HPN: variants seen among roughly 807,000 people sequenced by gnomAD.
HPN encodes serine protease hepsin.
A neutral mutation model predicts 55.9 loss-of-function variants in HPN; 13 were observed. The ratio of observed to expected loss-of-function variants is 0.23; its 90% confidence interval spans 0.15 to 0.37. HPN has a LOEUF of 0.37. Ranked by LOEUF, HPN falls within the 10% of genes least tolerant of loss-of-function variation. HPN has a pLI of 1.00. For synonymous variants in HPN, 225 were observed against 240.3 expected, an observed-to-expected ratio of 0.94 and a Z score of 0.59; for missense variants, 451 against 575.8, an observed-to-expected ratio of 0.78 and a Z score of 2.22.
intron 1 of HPN, 183 bp from the exon 2 acceptor site, chr19:35,042,270 C>G (rs1468205858): frequency 1.5e-6 from 2 of 1,360,132 alleles, no homozygotes; most frequent in South Asian, 3.5e-5. Context: ...GGCGTCCCCC[C>G]GCTGCTGGTC....
chr19:35,048,657 G>T (rs1188884604), intron 2 of HPN, among the ~76,000 whole-genome samples: 3 of 152,142 alleles, frequency 2.0e-5, no homozygotes, highest in Admixed American at 2.0e-4. Context: ...ATTTTGGGAG[G>T]CTGAGGAAGG....
chr19:35,065,849 C>T lies in HPN; in HGVS notation c.1051-19C>T. The T allele has an allele frequency of 6.2e-7, 1 of 1,613,278 alleles. No individual in the cohort carries two copies. On this transcript the variant is annotated intron_variant, in intron 11 of 12. Transcript: ENST00000672452. The stretch of plus-strand genomic sequence containing the variant: ...CCAACCACTTTGGCCTTCAGCCAGA[C>T]CTCCCTCTCCCCTCCCAGGGCGACA...
rs532765961 is a variant in HPN at position 35,058,382 on chromosome 19, C to G, written c.161-1291C>G. Among the ~76,000 whole-genome samples, 366 of 149,110 alleles carry G rather than the reference C, an allele frequency of 2.5e-3. 1 individual carries two copies. The highest frequency in any genetic ancestry group is 8.4e-3 in the African/African-American group (344 of 41,154). On this transcript the variant is annotated intron_variant, in intron 4 of 12. Coordinates refer to ENST00000672452, the MANE Select transcript of HPN (RefSeq NM_001384133.1). Reference sequence around the variant, plus strand: ...TTTCATAGAGACGAGGTTTCATCATCTTGGCCAGGCTGGTCTTGAACTCCT... The same window carrying G: ...TTTCATAGAGACGAGGTTTCATCATGTTGGCCAGGCTGGTCTTGAACTCCT...
Position 35,059,683 on chromosome 19 carries a change from C to T in HPN, c.171C>T (p.Ser57=). ...DQEPLYPVQV[S]SADARLMVFD... is the part of the protein sequence containing the mutation. ...CCTGTCGCCCTGCAGTGCAGGTCAG[C>T]TCTGCGGACGCTCGGCTCATGGTCT... is the stretch of plus-strand genomic sequence containing the variant. Residue 57 remains serine (S), a synonymous_variant, in exon 5 of 13, where the codon AGC becomes AGT. Transcript: ENST00000672452. 6.3e-7 allele frequency: 1 copy of T among 1,598,016 alleles called. No homozygotes were observed. Among genetic ancestry groups the T allele is most frequent in the Non-Finnish European group, 8.5e-7 (1 of 1,173,034 alleles).
chr19:35,061,739 G>A (rs931333879), intron 9 of HPN, among the ~76,000 whole-genome samples: 1 of 152,110 alleles, frequency 6.6e-6, no homozygotes, highest in East Asian at 1.9e-4. Context: ...CAAGCCAGCC[G>A]CAAAGGCCAC....
chr19:35,059,346 G>GATC, intron 4 of HPN: 2 of 457,938 alleles, frequency 4.4e-6, no homozygotes, highest in Admixed American at 3.4e-5. Context: ...GTCAGGTGTG[G>GATC]TGGTGCACGC....
At chr19:35,063,283 C>T (rs1041812083) in intron 9 of HPN, among the ~76,000 whole-genome samples, 1 of 152,258 alleles carries the variant, frequency 6.6e-6, no homozygotes, top group Non-Finnish European at 1.5e-5. Context: ...TGCTTGTGGC[C>T]CCCACGCTGT....
Position 35,042,400 on chromosome 19 carries a change from C to G in HPN, c.-54-53C>G, listed in dbSNP as rs1289467392. 46 of 1,506,522 alleles carry G rather than the reference C, an allele frequency of 3.1e-5. No homozygotes were observed. The East Asian group carries it at 1.0e-3, about 33-fold the overall frequency. The allele number at this position is 1,506,522 out of a possible 1,614,324, so 93.3% of individuals were successfully genotyped here. A position where few individuals can be genotyped will look rare whatever the true frequency, so the allele number is the denominator to read the frequency against. Reference sequence around the variant, plus strand: ...ACGCCTGGGACTGGGGGCGCCAGGACTGGGCTGGGCTGGGCTCCCCCAGGC... The same window carrying G: ...ACGCCTGGGACTGGGGGCGCCAGGAGTGGGCTGGGCTGGGCTCCCCCAGGC... On this transcript the variant is annotated intron_variant, in intron 1 of 12. Coordinates refer to ENST00000672452, the MANE Select transcript of HPN (RefSeq NM_001384133.1).
chr19:35,054,639 C>T (rs2064437370), intron 4 of HPN, among the ~76,000 whole-genome samples: 2 of 152,188 alleles, frequency 1.3e-5, no homozygotes. Context: ...TGAAGTCACT[C>T]AGACCTGATT....
In HPN at chr19:35,066,365, A is replaced by T; in HGVS notation, c.*78A>T. ...GGATCCACGCTGGGCCTAGGATGGG[A>T]CGTTTTTCTTCTTGGGCCCGGTCCA... On this transcript the variant is annotated 3_prime_UTR_variant, in exon 13 of 13. Coordinates refer to ENST00000672452, the MANE Select transcript of HPN (RefSeq NM_001384133.1). 7 of 1,537,426 alleles carry T rather than the reference A, an allele frequency of 4.6e-6. No homozygotes were observed. Among genetic ancestry groups the T allele is most frequent in the Non-Finnish European group, 6.1e-6 (7 of 1,140,350 alleles).
At chr19:35,047,230 A>C (rs1378305949) in intron 2 of HPN, among the ~76,000 whole-genome samples, 2 of 151,960 alleles carry the variant, frequency 1.3e-5, no homozygotes, top group Non-Finnish European at 2.9e-5. Context: ...GGTTCCCACT[A>C]CCTTCCCCAA....
chr19:35,056,244 T>A (rs2064454208), intron 4 of HPN, among the ~76,000 whole-genome samples: 1 of 152,176 alleles, frequency 6.6e-6, no homozygotes, highest in African/African-American at 2.4e-5. Flanking sequence ...GGTGGCATTT[T>A]ATTTTTCTCT....
In HPN at chr19:35,066,572, A is replaced by T; in HGVS notation, c.*285A>T. ...TTAAATAATAAAGATGGTTTTGATT[A>T]ATGTGGCCTCCGAGCTTACAAATGT... On this transcript the variant is annotated 3_prime_UTR_variant, in exon 13 of 13. Coordinates refer to ENST00000672452, the MANE Select transcript of HPN (RefSeq NM_001384133.1). The T allele has an allele frequency of 2.1e-6, 1 of 484,484 alleles. No individual in the cohort carries two copies. Among genetic ancestry groups the T allele is most frequent in the Non-Finnish European group, 3.7e-6 (1 of 272,220 alleles). The allele number at this position is 484,484 out of a possible 1,614,324, so 30.0% of individuals were successfully genotyped here.
rs184267339 is a variant in HPN at position 35,061,313 on chromosome 19, T to G, written c.811+496T>G. Among the ~76,000 whole-genome samples, 582 of 151,604 alleles carry G rather than the reference T, an allele frequency of 3.8e-3. 1 individual carries two copies. Among genetic ancestry groups the G allele is most frequent in the Non-Finnish European group, 5.9e-3 (399 of 68,002 alleles). On this transcript the variant is annotated intron_variant, in intron 9 of 12. Coordinates refer to ENST00000672452, the MANE Select transcript of HPN (RefSeq NM_001384133.1). ...GAGTTTGAAACCAGCCTGGCCAACA[T>G]GGTGAAACTCCATCTCTACTAAAAA...
At chr19:35,058,759 T>C (rs1011250227) in intron 4 of HPN, among the ~76,000 whole-genome samples, 2 of 151,858 alleles carry the variant, frequency 1.3e-5, no homozygotes, top group Admixed American at 1.3e-4. Context: ...GCTGTCTGTG[T>C]ACGTATAAAG....
intron 4 of HPN, among the ~76,000 whole-genome samples, chr19:35,052,930 G>A (rs1440085275): frequency 6.6e-6 from 1 of 152,174 alleles, no homozygotes; most frequent in Non-Finnish European, 1.5e-5. Context: ...CCAGCACCAC[G>A]CCGCCACCCT....
intron 2 of HPN, 44 bp from the exon 3 acceptor site, chr19:35,049,246 T>G: frequency 7.1e-7 from 1 of 1,409,786 alleles, no homozygotes; most frequent in Non-Finnish European, 9.4e-7. Context: ...CCTGCCGCAA[T>G]GAGGACAGGC....
At chr19:35,042,415 C>A in intron 1 of HPN, 38 bp from the exon 2 acceptor site, 1 of 1,531,730 alleles carries the variant, frequency 6.5e-7, no homozygotes. Flanking sequence ...CTGGGCTGGG[C>A]TCCCCCAGGC....
In HPN at chr19:35,065,914, C is replaced by T. The variant is rs572113826; in HGVS notation, c.1097C>T (p.Thr366Met). 255 of 1,614,112 alleles carry T rather than the reference C, an allele frequency of 1.6e-4. 2 individuals carry two copies. In the Middle Eastern group the frequency reaches 1.6e-3, roughly 10 times the overall value. ...GTGTGTGAGGACAGCATCTCTCGGACGCCACGTTGGCGGCTGTGTGGCATT... is the reference window on the plus strand; with the variant it reads ...GTGTGTGAGGACAGCATCTCTCGGATGCCACGTTGGCGGCTGTGTGGCATT... ...PFVCEDSISRTPRWRLCGIVS... is the reference protein window; with the variant it reads ...PFVCEDSISRMPRWRLCGIVS... The change falls in exon 12 of 13, where the codon ACG becomes ATG. Residue 366 changes from threonine to methionine, a missense_variant. This residue lies in a region of HPN where 73 missense variants were observed against 130.3 expected (regional missense o/e 0.56). Coordinates refer to ENST00000672452, the MANE Select transcript of HPN (RefSeq NM_001384133.1).
Sources: gnomAD v4.1 joint callset for allele counts (sites outside exome capture counted in the v4.1 genomes callset) on GRCh38, gnomAD v4.1.1 for gene constraint, gnomAD v4.1.1 regional missense constraint, MANE v1.5 for transcripts, NCBI Gene and HGNC (gene_info 2026-07-23, HGNC 2026-07-21) for gene names.